CTTN: variants seen among roughly 807,000 people sequenced by gnomAD.
CTTN encodes src substrate cortactin.
A neutral mutation model predicts 84.0 loss-of-function variants in CTTN; 28 were observed. The ratio of observed to expected loss-of-function variants is 0.33; its 90% confidence interval spans 0.25 to 0.46. CTTN has a LOEUF of 0.46. CTTN is among the 20% of genes least tolerant of loss of function. The pLI is 1.00. For missense variants in CTTN, 641 were observed against 723.8 expected (o/e 0.89, Z 1.31); for synonymous variants, 301 against 288.8 (o/e 1.04, Z -0.43).
chr11:70,433,075 G>A (rs756572327), intron 15 of CTTN, 26 bp from the exon 16 acceptor site: 8 of 1,608,596 alleles, frequency 5.0e-6, no homozygotes, highest in Non-Finnish European at 6.8e-6. Context: ...TGGGCCCCGT[G>A]CCATGTGCGT....
chr11:70,409,996 G>A lies in CTTN; in HGVS notation c.291+36G>A, dbSNP rs376244493. 6.2e-6 allele frequency: 10 copies of A among 1,612,742 alleles called. No individual in the cohort carries two copies. The African/African-American group carries it at 1.2e-4, about 19-fold the overall frequency. On this transcript the variant is annotated intron_variant, in intron 5 of 17. Coordinates refer to ENST00000301843, the MANE Select transcript of CTTN (RefSeq NM_005231.4). ...CGCGGCTGCCTATGCCAGGCTCCTG[G>A]TGTGCTTGGACCACTAGACTGGGTG...
At chr11:70,428,568 G>A (rs964890286) in intron 13 of CTTN, among the ~76,000 whole-genome samples, 5 of 151,800 alleles carry the variant, frequency 3.3e-5, no homozygotes, top group East Asian at 1.9e-4. Flanking sequence ...CAGTCTTCCC[G>A]TCTCAACCTC....
intron 1 of CTTN, among the ~76,000 whole-genome samples, chr11:70,402,148 CTGAAAA>C (rs565113821): frequency 3.0e-4 from 45 of 152,072 alleles, no homozygotes; most frequent in Non-Finnish European, 5.1e-4. Flanking sequence ...GCAAGACTGT[CTGAAAA>C]AGAAAAAAAA....
At chr11:70,399,164 G>A (rs372279441) in intron 1 of CTTN, among the ~76,000 whole-genome samples, 4 of 151,426 alleles carry the variant, frequency 2.6e-5, no homozygotes, top group African/African-American at 9.7e-5. Context: ...AAGGGCGAGG[G>A]GTCTGAGAGG....
At position 70,435,213 on chromosome 11, in the gene CTTN, C is replaced by T. The variant is rs1205710619; in HGVS notation, c.*51C>T. ...CGCCCTGGATCCTCACACTACAGAT[C>T]AGGCCTTCTTTGGTTCTTGGGTGGT... On this transcript the variant is annotated 3_prime_UTR_variant, in exon 18 of 18. Transcript: ENST00000301843. 6.0e-6 allele frequency: 9 copies of T among 1,502,062 alleles called. No individual in the cohort carries two copies. Among genetic ancestry groups the T allele is most frequent in the Non-Finnish European group, 7.9e-6 (9 of 1,136,554 alleles). The allele number at this position is 1,502,062 out of a possible 1,614,324, so 93.0% of individuals were successfully genotyped here. A position where few individuals can be genotyped will look rare whatever the true frequency, so the allele number is the denominator to read the frequency against.
In CTTN at chr11:70,417,056, C is replaced by T. The variant is rs2058171325; in HGVS notation, c.501C>T (p.Asp167=). The T allele has an allele frequency of 7.4e-6, 12 of 1,614,110 alleles. No homozygotes were observed. Among genetic ancestry groups the T allele is most frequent in the Non-Finnish European group, 1.0e-5 (12 of 1,180,064 alleles). The change falls in exon 8 of 18, where the codon GAC becomes GAT. Residue 167 remains aspartate, a synonymous_variant. Transcript: ENST00000301843. ...GCGGCAAGTATGGCGTGCAGGCCGACCGAGTAGACAAGAGCGCGGTGGGCT... is the reference window on the plus strand; with the variant it reads ...GCGGCAAGTATGGCGTGCAGGCCGATCGAGTAGACAAGAGCGCGGTGGGCT... ...GFGGKYGVQA[D]RVDKSAVGFD...
At position 70,436,437 on chromosome 11, in the gene CTTN, T is replaced by G. The variant is rs747685375; in HGVS notation, c.*1275T>G. ...GTGTTTTTGCTCCTGAGGTGCATTT[T>G]CTCATCATCCTTGCTTTACCACAAT... On this transcript the variant is annotated 3_prime_UTR_variant, in exon 18 of 18. Transcript: ENST00000301843. 3 of 1,591,724 alleles carry G rather than the reference T, an allele frequency of 1.9e-6. No individual in the cohort carries two copies. The highest frequency in any genetic ancestry group is 2.6e-6 in the Non-Finnish European group (3 of 1,174,860).
In CTTN at chr11:70,421,540, T is replaced by A; in HGVS notation, c.861T>A (p.Phe287Leu). 6.2e-7 allele frequency: 1 copy of A among 1,614,102 alleles called. No individual in the cohort carries two copies. The highest frequency in any genetic ancestry group is 2.2e-5 in the East Asian group (1 of 44,886). The change falls in exon 11 of 18, where the codon TTT becomes TTA. Residue 287 changes from phenylalanine (F) to leucine (L), a missense_variant. Phe to Leu is a conservative substitution (Grantham distance 22). Around this residue, in one of 3 missense-constraint regions of CTTN, gnomAD observed 289 missense variants for 273.1 expected, o/e 1.06. Transcript: ENST00000301843. The part of the protein sequence containing the change: ...SERQDSAAVG[F>L]DYKEKLAKHE... Reference sequence around the variant, plus strand: ...GGCAGGACTCCGCTGCTGTGGGGTTTGATTACAAGGAGAAGCTGGCCAAGC... The same window carrying A: ...GGCAGGACTCCGCTGCTGTGGGGTTAGATTACAAGGAGAAGCTGGCCAAGC...
At chr11:70,407,213 G>C in intron 2 of CTTN, 85 bp from the exon 3 acceptor site, 1 of 1,109,166 alleles carries the variant, frequency 9.0e-7, no homozygotes, top group Non-Finnish European at 1.3e-6. Flanking sequence ...CTAGAATCTC[G>C]GTAGTTTTGG....
intron 1 of CTTN, among the ~76,000 whole-genome samples, chr11:70,402,510 C>A (rs1851577522): frequency 6.6e-6 from 1 of 152,220 alleles, no homozygotes; most frequent in African/African-American, 2.4e-5. Flanking sequence ...CCGCCCAGCC[C>A]TGGGCAACCA....
chr11:70,421,659 G>A lies in CTTN; in HGVS notation c.901+79G>A, dbSNP rs145838133. 2.5e-4 allele frequency: 234 copies of A among 941,724 alleles called. 3 individuals carry two copies. In the African/African-American group the frequency reaches 2.8e-3, roughly 11 times the overall value. The allele number at this position is 941,724 out of a possible 1,614,324, so 58.3% of individuals were successfully genotyped here. The stretch of plus-strand genomic sequence containing the variant: ...TCTAGCACAGACTTCAGGGCTCACC[G>A]TCAGCACCTGCAACACAGTCCTCCT... On this transcript the variant is annotated intron_variant, in intron 11 of 17. Coordinates refer to ENST00000301843, the MANE Select transcript of CTTN (RefSeq NM_005231.4).
In CTTN at chr11:70,425,395, G is replaced by A. The variant is rs543551144; in HGVS notation, c.1021G>A (p.Glu341Lys). 1.9e-5 allele frequency: 31 copies of A among 1,610,594 alleles called. No individual in the cohort carries two copies. The African/African-American group carries it at 2.7e-4, about 14-fold the overall frequency. ...TGCCTACCAGAAGACAGTACCTGTC[G>A]AAGCTGGTGAGTCCCGGCTGATACC... Reference protein sequence around the residue: ...SSAYQKTVPVEAVTSKTSNIR... With the variant: ...SSAYQKTVPVKAVTSKTSNIR... The change falls in exon 13 of 18, where the codon GAA becomes AAA. Residue 341 changes from glutamate (E) to lysine (K), a missense_variant. Physicochemically the swap from Glu to Lys is moderately conservative, Grantham distance 56. Coordinates refer to ENST00000301843, the MANE Select transcript of CTTN (RefSeq NM_005231.4).
intron 12 of CTTN, among the ~76,000 whole-genome samples, chr11:70,424,794 A>G (rs1017173931): frequency 1.3e-5 from 2 of 152,064 alleles, no homozygotes; most frequent in African/African-American, 4.8e-5. Flanking sequence ...AGGTGTTCTC[A>G]TCAGAGGTAG....
At chr11:70,425,546 G>A (rs933186170) in intron 13 of CTTN, 145 bp downstream of exon 13, 45 of 657,916 alleles carry the variant, frequency 6.8e-5, no homozygotes, top group East Asian at 3.6e-4. Flanking sequence ...GAAAATGATC[G>A]TTCTGATGAA....
chr11:70,411,997 C>G (rs2058101232), intron 5 of CTTN, among the ~76,000 whole-genome samples: 1 of 152,194 alleles, frequency 6.6e-6, no homozygotes, highest in Non-Finnish European at 1.5e-5. Context: ...TTGCTCTCAC[C>G]TCTCAGCCGG....
intron 7 of CTTN, 72 bp downstream of exon 7, chr11:70,415,789 C>T (rs1282536543): frequency 6.9e-6 from 10 of 1,447,520 alleles, no homozygotes; most frequent in Admixed American, 3.4e-5. Context: ...CACCTGAAGC[C>T]GTTTCCCCGC....
At position 70,407,345 on chromosome 11, in the gene CTTN, C is replaced by G. The variant is rs1316893766; in HGVS notation, c.48C>G (p.Asp16Glu). 1.3e-6 allele frequency: 2 copies of G among 1,564,196 alleles called. No individual in the cohort carries two copies. The change falls in exon 3 of 18, where the codon GAC (aspartate) becomes GAG (glutamate). Residue 16 changes from aspartate to glutamate, a missense_variant. By Grantham distance (45) the Asp-to-Glu change is conservative. Transcript: ENST00000301843. Reference sequence around the variant, plus strand: ...ACGCTGTGTCCATCGCCCAGGATGACGCGGGGGCCGATGACTGGGAGACCG... The same window carrying G: ...ACGCTGTGTCCATCGCCCAGGATGAGGCGGGGGCCGATGACTGGGAGACCG... ...AGHAVSIAQD[D>E]AGADDWETDP...
At chr11:70,412,365 G>C (rs2058104419) in intron 5 of CTTN, among the ~76,000 whole-genome samples, 1 of 152,212 alleles carries the variant, frequency 6.6e-6, no homozygotes, top group Admixed American at 6.5e-5. Context: ...GGAGACTGCA[G>C]TGTCCTGTGA....
intron 10 of CTTN, 28 bp from the exon 11 acceptor site, chr11:70,421,442 T>G: frequency 6.7e-7 from 1 of 1,498,486 alleles, no homozygotes; most frequent in Admixed American, 1.7e-5. Context: ...TTTGGTTGTT[T>G]TCCCCACCGT....
Sources: allele counts gnomAD v4.1 joint callset (sites outside exome capture counted in the v4.1 genomes callset), GRCh38; gene constraint gnomAD v4.1.1; regional missense constraint gnomAD v4.1.1; transcripts MANE v1.5; gene names NCBI Gene and HGNC (gene_info 2026-07-23, HGNC 2026-07-21).